Variants in ITSN1 observed in about 807,000 individuals in gnomAD.
ITSN1 encodes the protein intersectin 1.
ITSN1 carries 58 observed loss-of-function variants against 239.8 expected under a neutral mutation model. That is an observed-to-expected ratio of 0.24 (90% CI 0.20 to 0.30). The LOEUF (loss-of-function observed/expected upper bound fraction) is 0.30. Among genes scored for constraint, ITSN1 ranks in the 10% least tolerant of loss-of-function variants. The probability of loss-of-function intolerance (pLI) is 1.00; values close to 1 mark genes in which losing one functional copy is unlikely to be tolerated. For missense variants in ITSN1, 1,558 were observed against 2,103.3 expected, an observed-to-expected ratio of 0.74 and a Z score of 5.07; for synonymous variants, 780 against 770.8, an observed-to-expected ratio of 1.01 and a Z score of -0.20.
chr21:33,847,552 G>A (rs570180261), intron 29 of ITSN1, among the ~76,000 whole-genome samples: 4 of 152,370 alleles, frequency 2.6e-5, no homozygotes, highest in South Asian at 2.1e-4. Context: ...AGATGAGGGC[G>A]TTGAGCAGAG....
chr21:33,766,718 G>A (rs1335568155), intron 10 of ITSN1, among the ~76,000 whole-genome samples: 2 of 152,314 alleles, frequency 1.3e-5, no homozygotes, highest in Non-Finnish European at 2.9e-5. Context: ...CAGCACACAC[G>A]TGGTACAGGA....
intron 1 of ITSN1, among the ~76,000 whole-genome samples, chr21:33,683,230 T>G (rs1392561521): frequency 1.3e-5 from 2 of 152,102 alleles, no homozygotes; most frequent in Non-Finnish European, 2.9e-5. Context: ...GATCATCTTT[T>G]CATATTTTGG....
At chr21:33,681,305 T>C (rs1159768986) in intron 1 of ITSN1, among the ~76,000 whole-genome samples, 2 of 152,342 alleles carry the variant, frequency 1.3e-5, no homozygotes, top group South Asian at 2.1e-4. Context: ...GCCTATGGTA[T>C]CAAGCTTCAT....
chr21:33,698,605 C>T (rs1222654325), intron 1 of ITSN1, among the ~76,000 whole-genome samples: 2 of 152,186 alleles, frequency 1.3e-5, no homozygotes, highest in Non-Finnish European at 2.9e-5. Flanking sequence ...ACATTTGAGG[C>T]TCAGGGCTTC....
chr21:33,853,778 C>T (rs4817597), intron 29 of ITSN1, among the ~76,000 whole-genome samples: 18,322 of 152,216 alleles, frequency 0.12, 1,424 homozygotes, highest in Non-Finnish European at 0.17. Context: ...TGCCAGATTC[C>T]ACTATGACAA....
chr21:33,875,569 C>A (rs933130), intron 34 of ITSN1, 48 bp downstream of exon 34: 4 of 1,571,838 alleles, frequency 2.5e-6, no homozygotes, highest in African/African-American at 2.7e-5. Flanking sequence ...CAGAGCCTCG[C>A]CTGCCAGCCT....
rs1349941783 is a variant in ITSN1, at chr21:33,735,065, T to C, written c.207T>C (p.Asn69=). The C allele has an allele frequency of 6.2e-7, 1 of 1,612,888 alleles. No individual in the cohort carries two copies. The highest frequency in any genetic ancestry group is 8.5e-7 in the Non-Finnish European group (1 of 1,179,660). The change falls in exon 5 of 40, where the codon AAT becomes AAC. Residue 69 remains asparagine (N), a synonymous_variant. Coordinates refer to ENST00000381318, the MANE Select transcript of ITSN1 (RefSeq NM_003024.3). ...AQIWALADMN[N]DGRMDQVEFS... Reference sequence around the variant, plus strand: ...GCAGGGCACTAGCTGACATGAATAATGATGGAAGAATGGATCAAGTGGAGT... The same window carrying C: ...GCAGGGCACTAGCTGACATGAATAACGATGGAAGAATGGATCAAGTGGAGT...
At chr21:33,812,602 A>G (rs1472522473) in intron 21 of ITSN1, among the ~76,000 whole-genome samples, 1 of 152,054 alleles carries the variant, frequency 6.6e-6, no homozygotes, top group Non-Finnish European at 1.5e-5. Flanking sequence ...GGGCTCAAGC[A>G]ATACTCCTGC....
chr21:33,845,208 C>T (rs1484059450), intron 29 of ITSN1, among the ~76,000 whole-genome samples: 5 of 150,428 alleles, frequency 3.3e-5, no homozygotes, highest in Admixed American at 6.6e-5. Context: ...GGGATCCAGC[C>T]GAGAGGATGG....
rs1216843108 is a variant in ITSN1 at position 33,818,327 on chromosome 21, A to C, written c.2788A>C (p.Asn930His). The C allele has an allele frequency of 1.2e-6, 2 of 1,614,226 alleles. No individual in the cohort carries two copies. The highest frequency in any genetic ancestry group is 3.3e-5 in the Admixed American group (2 of 60,026). ...ALYPWRAKKDNHLNFNKNDVI... is the reference protein window; with the variant it reads ...ALYPWRAKKDHHLNFNKNDVI... ...ATATCCTTGGAGAGCCAAAAAAGACAACCACTTAAATTTTAACAAAAATGA... is the reference window on the plus strand; with the variant it reads ...ATATCCTTGGAGAGCCAAAAAAGACCACCACTTAAATTTTAACAAAAATGA... The change falls in exon 23 of 40, where the codon AAC becomes CAC. Residue 930 changes from asparagine (N) to histidine (H), a missense_variant. Physicochemically the swap from Asn to His is moderately conservative, Grantham distance 68 (BLOSUM62 1). This residue lies in a region of ITSN1 where 982 missense variants were observed against 1,209.9 expected (regional missense o/e 0.81). Transcript: ENST00000381318.
rs1220053723 is a variant in ITSN1 at position 33,890,441 on chromosome 21, T to A, written c.*2141T>A. 1 of 152,234 alleles carries A rather than the reference T, an allele frequency of 6.6e-6. No homozygotes were observed. Among genetic ancestry groups the A allele is most frequent in the Non-Finnish European group, 1.5e-5 (1 of 68,042 alleles). The allele number at this position is 152,234 out of a possible 1,614,324, so 9.4% of individuals were successfully genotyped here. On this transcript the variant is annotated 3_prime_UTR_variant, in exon 40 of 40. Coordinates refer to ENST00000381318, the MANE Select transcript of ITSN1 (RefSeq NM_003024.3). ...GGTCCCAGGTCACCCACTCATAGTGTCCTATTATTGGAATTAATGTAGCAT... is the reference window on the plus strand; with the variant it reads ...GGTCCCAGGTCACCCACTCATAGTGACCTATTATTGGAATTAATGTAGCAT...
rs11319527 is a variant in ITSN1, at chr21:33,887,943, GT to G, written c.5018-198del. ...TCTGAGAGATAAAGGTTGGGGTTGG[GT>G]TTTTTTTTTTATTTAAGTAATGAAA... On this transcript the variant is annotated intron_variant, in intron 39 of 39. Coordinates refer to ENST00000381318, the MANE Select transcript of ITSN1 (RefSeq NM_003024.3). Among the ~76,000 whole-genome samples, 54,943 of 148,862 alleles carry G rather than the reference GT, an allele frequency of 0.37. 10,426 individuals are homozygous for G. The highest frequency in any genetic ancestry group is 0.58 in the East Asian group (2,966 of 5,118).
rs772081965 is a variant in ITSN1 at position 33,794,358 on chromosome 21, C to T, written c.1842C>T (p.His614=). 1 of 1,612,972 alleles carries T rather than the reference C, an allele frequency of 6.2e-7. No homozygotes were observed. Among genetic ancestry groups the T allele is most frequent in the South Asian group, 1.1e-5 (1 of 90,906 alleles). The change falls in exon 17 of 40, where the codon CAC becomes CAT. Residue 614 remains histidine, a synonymous_variant. Transcript: ENST00000381318. ...NNQLKELREI[H]NKQQLQKQKS... is the part of the protein sequence containing the mutation. ...AATTATAGGAACTAAGAGAAATACACAATAAGCAACAACTCCAGAAGCAAA... is the reference window on the plus strand; with the variant it reads ...AATTATAGGAACTAAGAGAAATACATAATAAGCAACAACTCCAGAAGCAAA...
chr21:33,731,833 T>C (rs1336149940), intron 4 of ITSN1, among the ~76,000 whole-genome samples: 3 of 152,190 alleles, frequency 2.0e-5, no homozygotes, highest in Admixed American at 2.0e-4. Context: ...TCAAACTCTG[T>C]AAAATATTTG....
At chr21:33,726,279 C>T (rs976218797) in intron 4 of ITSN1, among the ~76,000 whole-genome samples, 4 of 152,088 alleles carry the variant, frequency 2.6e-5, no homozygotes, top group African/African-American at 9.7e-5. Flanking sequence ...CAGGCATGAC[C>T]CACTGCAGCC....
rs1459869240 is a variant in ITSN1 at position 33,892,627 on chromosome 21, C to T, written c.*4327C>T. 7 of 152,150 alleles carry T rather than the reference C, an allele frequency of 4.6e-5. No homozygotes were observed. The highest frequency in any genetic ancestry group is 1.0e-4 in the Non-Finnish European group (7 of 68,036). 9.4% of individuals were successfully genotyped at this position (152,150 alleles called of 1,614,324 possible). On this transcript the variant is annotated 3_prime_UTR_variant, in exon 40 of 40. Transcript: ENST00000381318. ...TATTAAGTATGAGTGGCAGGTACTTCTCTAGAACAGCCCTAACCTGCACTA... is the reference window on the plus strand; with the variant it reads ...TATTAAGTATGAGTGGCAGGTACTTTTCTAGAACAGCCCTAACCTGCACTA...
intron 1 of ITSN1, among the ~76,000 whole-genome samples, chr21:33,697,207 C>T (rs2091832260): frequency 6.7e-6 from 1 of 149,142 alleles, no homozygotes; most frequent in South Asian, 2.1e-4. Context: ...CTCAGCCTCC[C>T]GAGGCATACA....
At chr21:33,837,749 TG>T (rs1464338437) in intron 29 of ITSN1, 4 of 985,806 alleles carry the variant, frequency 4.1e-6, no homozygotes, top group Non-Finnish European at 4.8e-6. Flanking sequence ...TTTTGCACAG[TG>T]ACCTTGTAGC....
intron 31 of ITSN1, among the ~76,000 whole-genome samples, chr21:33,859,020 A>G (rs1979942053): frequency 6.6e-6 from 1 of 152,040 alleles, no homozygotes; most frequent in Non-Finnish European, 1.5e-5. Flanking sequence ...TGGGCACCCC[A>G]GAGCCTGCTG....
Sources: gnomAD v4.1 joint callset for allele counts (sites outside exome capture counted in the v4.1 genomes callset) on GRCh38, gnomAD v4.1.1 for gene constraint, gnomAD v4.1.1 regional missense constraint, MANE v1.5 for transcripts, NCBI Gene and HGNC (gene_info 2026-07-23, HGNC 2026-07-21) for gene names.